Variants in RAB31 observed in about 807,000 individuals in gnomAD.
RAB31 encodes the protein RAB31, member RAS oncogene family.
RAB31 carries 21 observed loss-of-function variants against 25.6 expected under a neutral mutation model. That is an observed-to-expected ratio of 0.82 (90% confidence interval 0.58 to 1.18). The LOEUF is 1.18. RAB31 is among the 50% of genes most tolerant of loss of function. The pLI, the probability that RAB31 is intolerant of heterozygous loss-of-function variation, is 0.00. For missense variants in RAB31, 196 were observed against 250.1 expected (o/e 0.78, Z 1.46); for synonymous variants, 87 against 84.0 (o/e 1.04, Z -0.20).
At chr18:9,773,062 A>G (rs1207152512) in intron 1 of RAB31, among the ~76,000 whole-genome samples, 1 of 152,200 alleles carries the variant, frequency 6.6e-6, no homozygotes, top group Non-Finnish European at 1.5e-5. Context: ...TGCACGATGC[A>G]GATAAACAGC....
At chr18:9,769,739 G>A (rs1368332543) in intron 1 of RAB31, among the ~76,000 whole-genome samples, 1 of 152,176 alleles carries the variant, frequency 6.6e-6, no homozygotes, top group Non-Finnish European at 1.5e-5. Context: ...AATAGGAGTG[G>A]TGAGAGAGGG....
At chr18:9,730,028 TA>T (rs1486408558) in intron 1 of RAB31, among the ~76,000 whole-genome samples, 3 of 152,202 alleles carry the variant, frequency 2.0e-5, no homozygotes, top group African/African-American at 7.2e-5. Flanking sequence ...ATGCTTCATA[TA>T]AAAAATGATC....
intron 5 of RAB31, among the ~76,000 whole-genome samples, chr18:9,821,795 A>G (rs1368809412): frequency 6.6e-6 from 1 of 152,214 alleles, no homozygotes; most frequent in Non-Finnish European, 1.5e-5. Context: ...CAAAATGTTG[A>G]TGAAAGAAGT....
At chr18:9,849,119 C>G (rs2068775901) in intron 6 of RAB31, among the ~76,000 whole-genome samples, 1 of 152,124 alleles carries the variant, frequency 6.6e-6, no homozygotes, top group Non-Finnish European at 1.5e-5. Flanking sequence ...CATTTCTACC[C>G]AGGGTTTGTT....
intron 4 of RAB31, chr18:9,814,836 C>A: frequency 3.8e-6 from 1 of 265,622 alleles, no homozygotes; most frequent in South Asian, 4.4e-5. Flanking sequence ...CATGTGGAGT[C>A]CAGGCTATCA....
At chr18:9,820,279 C>A (rs967782565) in intron 5 of RAB31, among the ~76,000 whole-genome samples, 1 of 152,010 alleles carries the variant, frequency 6.6e-6, no homozygotes. Context: ...TTTCAAAAAA[C>A]TTTTTACATA....
At chr18:9,801,305 T>C (rs1342235417) in intron 3 of RAB31, among the ~76,000 whole-genome samples, 1 of 148,402 alleles carries the variant, frequency 6.7e-6, no homozygotes, top group Non-Finnish European at 1.5e-5. Context: ...TTTTTTGAGA[T>C]GGAGTCTTCT....
intron 3 of RAB31, among the ~76,000 whole-genome samples, chr18:9,810,137 C>T (rs1329740837): frequency 6.6e-6 from 1 of 152,174 alleles, no homozygotes; most frequent in African/African-American, 2.4e-5. Flanking sequence ...AAAAATTTCT[C>T]AACATTTTAA....
At chr18:9,788,348 A>T (rs1599038808) in intron 2 of RAB31, among the ~76,000 whole-genome samples, 1 of 152,222 alleles carries the variant, frequency 6.6e-6, no homozygotes, top group Non-Finnish European at 1.5e-5. Flanking sequence ...GGAAGATATC[A>T]TCTCTCTCCA....
intron 1 of RAB31, among the ~76,000 whole-genome samples, chr18:9,716,616 G>A (rs1226999249): frequency 6.6e-6 from 1 of 152,192 alleles, no homozygotes; most frequent in Non-Finnish European, 1.5e-5. Flanking sequence ...TTATTTACCC[G>A]GGGATTGACG....
At chr18:9,848,439 CCTGT>C (rs1263473605) in intron 6 of RAB31, among the ~76,000 whole-genome samples, 2 of 152,212 alleles carry the variant, frequency 1.3e-5, no homozygotes, top group African/African-American at 2.4e-5. Flanking sequence ...CATCTGTCCG[CCTGT>C]CTATCTGCAT....
At chr18:9,723,539 A>G (rs1026902608) in intron 1 of RAB31, 3 of 152,176 alleles carry the variant, frequency 2.0e-5, no homozygotes, top group Admixed American at 1.3e-4. Flanking sequence ...TTCTTAGTCC[A>G]TTTTGTGTTT....
At chr18:9,719,972 C>CTTT (rs68175651) in intron 1 of RAB31, among the ~76,000 whole-genome samples, 39 of 149,234 alleles carry the variant, frequency 2.6e-4, no homozygotes, top group Admixed American at 2.7e-4. Context: ...CCAGGCTCAC[C>CTTT]TTTTTTTTTT....
intron 1 of RAB31, among the ~76,000 whole-genome samples, chr18:9,711,170 T>TTCTCTC (rs111627591): frequency 1.3e-5 from 2 of 150,424 alleles, no homozygotes; most frequent in Non-Finnish European, 1.5e-5. Flanking sequence ...GTTTACTCTC[T>TTCTCTC]TCTCTCTCTC....
At chr18:9,735,499 C>A in intron 1 of RAB31, 1 of 207,138 alleles carries the variant, frequency 4.8e-6, no homozygotes, top group South Asian at 8.8e-5. Flanking sequence ...TGCACACCAC[C>A]TGCATTACCA....
chr18:9,851,772 A>ATAAAAAGATCAATCATTGAATGTGAAAT (rs2068790374), intron 6 of RAB31, among the ~76,000 whole-genome samples: 1 of 152,234 alleles, frequency 6.6e-6, no homozygotes, highest in East Asian at 1.9e-4. Context: ...GTTTACTGAC[A>ATAAAAAGATCAATCATTGAATGTGAAAT]TAAAAAGATC....
At chr18:9,824,292 A>G (rs28678739) in intron 5 of RAB31, among the ~76,000 whole-genome samples, 2 of 80,904 alleles carry the variant, frequency 2.5e-5, no homozygotes, top group Admixed American at 1.1e-4. Flanking sequence ...ATGTGTGTGT[A>G]TGTGTGTGTA....
At chr18:9,787,106 G>A (rs1233652228) in intron 2 of RAB31, 27 of 217,316 alleles carry the variant, frequency 1.2e-4, no homozygotes. Flanking sequence ...ATTTATGAAT[G>A]TCGTCAAGTT....
chr18:9,755,349 T>C (rs1421126817), intron 1 of RAB31, among the ~76,000 whole-genome samples: 2 of 152,190 alleles, frequency 1.3e-5, no homozygotes, highest in African/African-American at 4.8e-5. Context: ...TGGCCACATG[T>C]GCCTGCTTTG....
Sources: allele counts gnomAD v4.1 joint callset (sites outside exome capture counted in the v4.1 genomes callset), GRCh38; gene constraint gnomAD v4.1.1; transcripts MANE v1.5; gene names NCBI Gene and HGNC (gene_info 2026-07-23, HGNC 2026-07-21).